COBLL1: variants seen among roughly 807,000 people sequenced by gnomAD.
COBLL1 encodes the protein cordon-bleu protein-like 1.
COBLL1 carries 50 observed loss-of-function variants against 94.8 expected under a neutral mutation model. The observed-to-expected ratio is 0.53, with a 90% CI of 0.42 to 0.67. The LOEUF (loss-of-function observed/expected upper bound fraction) is 0.67. COBLL1 is among the 30% of genes least tolerant of loss of function. COBLL1 has a pLI of 0.00. For missense variants in COBLL1, 1,362 were observed against 1,348.7 expected, an observed-to-expected ratio of 1.01 and a Z score of -0.15; for synonymous variants, 448 against 473.8, an observed-to-expected ratio of 0.95 and a Z score of 0.71.
chr2:164,824,344 G>A (rs1038266983), intron 2 of COBLL1, among the ~76,000 whole-genome samples: 16 of 150,638 alleles, frequency 1.1e-4, no homozygotes, highest in African/African-American at 3.7e-4. Flanking sequence ...TCTCACCATT[G>A]CACTCCAGCC....
chr2:164,784,401 CAT>C (rs1176857662), intron 2 of COBLL1, among the ~76,000 whole-genome samples: 3 of 152,074 alleles, frequency 2.0e-5, no homozygotes. Context: ...TTCTTTAAGG[CAT>C]AATTTGTAGA....
chr2:164,803,600 A>G (rs1193874807), intron 2 of COBLL1, among the ~76,000 whole-genome samples: 1 of 151,858 alleles, frequency 6.6e-6, no homozygotes, highest in Non-Finnish European at 1.5e-5. Context: ...ATAAAATAAA[A>G]TAAAATAAAA....
At position 164,722,256 on chromosome 2, in the gene COBLL1, C is replaced by T; in HGVS notation, c.815G>A (p.Arg272Lys). Reference protein sequence around the residue: ...LVNKHRPTFTRSNTISKPYIS... With the variant: ...LVNKHRPTFTKSNTISKPYIS... ...ATATGGTTTGGAAATGGTATTGGAC[C>T]TTGTAAAAGTTGGGCGGTGCTTATT... The change falls in exon 7 of 14, where the codon AGG (arginine) becomes AAG (lysine). Residue 272 changes from arginine (R) to lysine (K), a missense_variant. Arg to Lys is a conservative substitution (Grantham distance 26). Transcript: ENST00000652658. 6.2e-7 allele frequency: 1 copy of T among 1,613,930 alleles called. No homozygotes were observed. Among genetic ancestry groups the T allele is most frequent in the Non-Finnish European group, 8.5e-7 (1 of 1,179,954 alleles).
chr2:164,767,986 C>T (rs1014200194), intron 2 of COBLL1, among the ~76,000 whole-genome samples: 5 of 152,130 alleles, frequency 3.3e-5, no homozygotes, highest in African/African-American at 1.2e-4. Context: ...GTGCAAAGAA[C>T]AGACTTTCAG....
intron 2 of COBLL1, chr2:164,761,567 G>GA (rs1205526802): frequency 6.6e-6 from 1 of 151,968 alleles, no homozygotes. Context: ...GGTGTGTAGA[G>GA]AAAATATATC....
At chr2:164,700,421 G>C in intron 10 of COBLL1, 101 bp downstream of exon 10, 1 of 716,022 alleles carries the variant, frequency 1.4e-6, no homozygotes, top group Non-Finnish European at 2.3e-6. Flanking sequence ...CAAAACCAAA[G>C]GGCTGACTAT....
At position 164,694,536 on chromosome 2, in the gene COBLL1, A is replaced by T. The variant is rs1310187172; in HGVS notation, c.2856T>A (p.Ala952=). The change falls in exon 12 of 14, where the codon GCT becomes GCA. Residue 952 remains alanine (A), a synonymous_variant. Transcript: ENST00000652658. ...APAEASPPPI[A]PKPVTIPASQ... is the part of the protein sequence containing the mutation. ...TAGCAGGAATTGTCACAGGTTTTGG[A>T]GCTATGGGAGGAGGGGAGGCTTCAG... The T allele has an allele frequency of 1.9e-6, 3 of 1,613,800 alleles. No homozygotes were observed. Among genetic ancestry groups the T allele is most frequent in the African/African-American group, 2.7e-5 (2 of 74,866 alleles).
chr2:164,711,318 A>G (rs940313739), intron 7 of COBLL1, among the ~76,000 whole-genome samples: 2 of 152,250 alleles, frequency 1.3e-5, no homozygotes, highest in African/African-American at 4.8e-5. Context: ...TGCAAATAAA[A>G]TAAGAATTAT....
intron 2 of COBLL1, among the ~76,000 whole-genome samples, chr2:164,785,921 GAT>G (rs1491160618): frequency 2.8e-4 from 22 of 78,852 alleles, no homozygotes; most frequent in Non-Finnish European, 2.3e-5. Flanking sequence ...ACAAAAGGTA[GAT>G]TTTTTTTTTT....
chr2:164,700,885 A>G (rs1428217092), intron 9 of COBLL1, 129 bp from the exon 10 acceptor site: 1 of 633,722 alleles, frequency 1.6e-6, no homozygotes, highest in Non-Finnish European at 2.7e-6. Flanking sequence ...CAAAAATAAT[A>G]GTGAAGTTCT....
At chr2:164,757,133 C>T (rs1687450362) in intron 2 of COBLL1, among the ~76,000 whole-genome samples, 1 of 152,052 alleles carries the variant, frequency 6.6e-6, no homozygotes, top group African/African-American at 2.4e-5. Context: ...TAAAGTGCAG[C>T]CAATTTTGAG....
chr2:164,777,985 C>T (rs1178566494), intron 2 of COBLL1, among the ~76,000 whole-genome samples: 1 of 152,220 alleles, frequency 6.6e-6, no homozygotes, highest in Non-Finnish European at 1.5e-5. Context: ...GAGAATGGCA[C>T]TGTAAACTCT....
intron 3 of COBLL1, among the ~76,000 whole-genome samples, chr2:164,730,343 AAAC>A (rs1382038065): frequency 6.6e-6 from 1 of 151,268 alleles, no homozygotes; most frequent in Non-Finnish European, 1.5e-5. Context: ...TAAAAAAAAA[AAAC>A]AATAGCCTGC....
At chr2:164,758,145 G>C (rs1458759165) in intron 2 of COBLL1, among the ~76,000 whole-genome samples, 3 of 152,070 alleles carry the variant, frequency 2.0e-5, no homozygotes, top group Admixed American at 1.3e-4. Flanking sequence ...GGCACCCACT[G>C]TGTACTTAGT....
intron 7 of COBLL1, among the ~76,000 whole-genome samples, chr2:164,711,371 T>C (rs1431323308): frequency 6.6e-6 from 1 of 152,062 alleles, no homozygotes; most frequent in African/African-American, 2.4e-5. Flanking sequence ...TAAAAGGAGG[T>C]ATTTAAGATT....
At chr2:164,668,822 T>C (rs1691204815) in intron 1 of COBLL1, among the ~76,000 whole-genome samples, 1 of 152,258 alleles carries the variant, frequency 6.6e-6, no homozygotes, top group African/African-American at 2.4e-5. Context: ...GTTTGCTCCT[T>C]GGGTTTCATT....
At chr2:164,717,222 TTGTA>T (rs1472797960) in intron 7 of COBLL1, among the ~76,000 whole-genome samples, 8 of 152,214 alleles carry the variant, frequency 5.3e-5, no homozygotes. Context: ...GTGGTTTATT[TTGTA>T]TCCTGAACAA....
intron 1 of COBLL1, among the ~76,000 whole-genome samples, chr2:164,672,392 T>C (rs1022842935): frequency 7.2e-5 from 11 of 152,134 alleles, no homozygotes; most frequent in Non-Finnish European, 1.3e-4. Flanking sequence ...GGTTTTTTTC[T>C]TCTTCCCTTA....
intron 2 of COBLL1, among the ~76,000 whole-genome samples, chr2:164,769,720 T>C (rs913196142): frequency 6.6e-6 from 1 of 151,710 alleles, no homozygotes; most frequent in East Asian, 1.9e-4. Flanking sequence ...TTGCACAGAG[T>C]TAAAAGAAGC....
Sources: gnomAD v4.1 joint callset for allele counts (sites outside exome capture counted in the v4.1 genomes callset) on GRCh38, gnomAD v4.1.1 for gene constraint, MANE v1.5 for transcripts, NCBI Gene and HGNC (gene_info 2026-07-23, HGNC 2026-07-21) for gene names.